Variants in RBFOX1 observed in about 807,000 individuals in gnomAD.
RBFOX1 encodes RNA binding protein fox-1 homolog 1.
A neutral mutation model predicts 57.7 loss-of-function variants in RBFOX1; 8 were observed. That is an observed-to-expected ratio of 0.14 (90% CI 0.08 to 0.25). RBFOX1 has a LOEUF of 0.25. Among genes scored for constraint, RBFOX1 ranks in the 10% least tolerant of loss-of-function variants. The pLI, the probability that RBFOX1 is intolerant of heterozygous loss-of-function variation, is 1.00. For missense variants in RBFOX1, 611 were observed against 548.5 expected (o/e 1.11, Z -1.14); for synonymous variants, 326 against 222.4 (o/e 1.47, Z -4.15).
At position 7,070,613 on chromosome 16, in the gene RBFOX1, C is replaced by G. The variant is rs190993537; in HGVS notation, c.27+18515C>G. Among the ~76,000 whole-genome samples the G allele has an allele frequency of 8.7e-4, 133 of 152,232 alleles. No individual in the cohort carries two copies. The East Asian group carries it at 0.018, about 21-fold the overall frequency. On this transcript the variant is annotated intron_variant, in intron 4 of 15. Coordinates refer to ENST00000550418, the MANE Select transcript of RBFOX1 (RefSeq NM_018723.4). ...TTACGTTTAAGTGGTTTTGATTAAC[C>G]TGGGTTTGCTTATTTGCTCCTAAAT... is the stretch of plus-strand genomic sequence containing the variant.
chr16:6,004,752 C>T (rs1031325574), intron 4 of RBFOX1, among the ~76,000 whole-genome samples: 1 of 152,172 alleles, frequency 6.6e-6, no homozygotes, highest in Admixed American at 6.5e-5. Flanking sequence ...TTCTAATAAG[C>T]TTTATTGACT....
intron 5 of RBFOX1, among the ~76,000 whole-genome samples, chr16:7,564,450 G>A (rs968926014): frequency 2.7e-5 from 4 of 146,922 alleles, no homozygotes; most frequent in African/African-American, 1.0e-4. Flanking sequence ...CTGAGGCAGG[G>A]GAATTGCTTG....
At chr16:6,492,802 A>G (rs1012351723) in intron 2 of RBFOX1, among the ~76,000 whole-genome samples, 1 of 152,204 alleles carries the variant, frequency 6.6e-6, no homozygotes, top group South Asian at 2.1e-4. Context: ...AACTACATCT[A>G]AGATGTTATG....
chr16:7,052,680 C>G lies in RBFOX1; in HGVS notation c.27+582C>G, dbSNP rs139718010. ...CAGGCATATCGGTGTAAGAAGTATT[C>G]CCTAGATGTGCAGGGAGTGTTTGGT... is the stretch of plus-strand genomic sequence containing the variant. On this transcript the variant is annotated intron_variant, in intron 4 of 15. Transcript: ENST00000550418. Among the ~76,000 whole-genome samples, 9 of 152,230 alleles carry G rather than the reference C, an allele frequency of 5.9e-5. No individual in the cohort carries two copies. The East Asian group carries it at 1.7e-3, about 29-fold the overall frequency.
At chr16:6,843,036 G>C (rs1418387782) in intron 3 of RBFOX1, among the ~76,000 whole-genome samples, 1 of 152,260 alleles carries the variant, frequency 6.6e-6, no homozygotes, top group East Asian at 1.9e-4. Context: ...ATTCCATGGT[G>C]TGTATGTGCC....
intron 3 of RBFOX1, among the ~76,000 whole-genome samples, chr16:6,866,262 C>T (rs1157424559): frequency 6.6e-6 from 1 of 151,980 alleles, no homozygotes; most frequent in East Asian, 1.9e-4. Flanking sequence ...TACTTTCCTA[C>T]CACTTTTCAT....
At chr16:7,055,057 C>T (rs570612902) in intron 4 of RBFOX1, among the ~76,000 whole-genome samples, 6 of 152,180 alleles carry the variant, frequency 3.9e-5, no homozygotes, top group South Asian at 2.1e-4. Flanking sequence ...CTGTGAAGTG[C>T]TTAATATCTT....
intron 4 of RBFOX1, among the ~76,000 whole-genome samples, chr16:7,342,547 A>T (rs1003762008): frequency 2.6e-5 from 4 of 152,060 alleles, no homozygotes; most frequent in Admixed American, 6.6e-5. Flanking sequence ...TTGAATGTTC[A>T]TTTTGATAAA....
At chr16:5,606,353 C>T (rs1181610552) in intron 3 of RBFOX1, among the ~76,000 whole-genome samples, 2 of 152,002 alleles carry the variant, frequency 1.3e-5, no homozygotes, top group African/African-American at 2.4e-5. Flanking sequence ...AATTCCTAAC[C>T]ATTCATCCAT....
chr16:7,044,036 C>G (rs1316655750), intron 3 of RBFOX1, among the ~76,000 whole-genome samples: 1 of 152,192 alleles, frequency 6.6e-6, no homozygotes, highest in East Asian at 1.9e-4. Context: ...CAAATGTTCT[C>G]TGTATTGTAA....
intron 2 of RBFOX1, among the ~76,000 whole-genome samples, chr16:6,504,107 C>A (rs968000038): frequency 6.6e-6 from 1 of 152,038 alleles, no homozygotes; most frequent in Non-Finnish European, 1.5e-5. Context: ...AAATGGCAGC[C>A]CAGAGGTAAG....
intron 4 of RBFOX1, among the ~76,000 whole-genome samples, chr16:7,197,285 T>C (rs1416826673): frequency 6.6e-6 from 1 of 152,124 alleles, no homozygotes; most frequent in African/African-American, 2.4e-5. Flanking sequence ...TATTGCTTCA[T>C]GTCGTGGTTG....
chr16:7,097,139 T>C (rs1309070753), intron 4 of RBFOX1, among the ~76,000 whole-genome samples: 1 of 151,842 alleles, frequency 6.6e-6, no homozygotes, highest in Non-Finnish European at 1.5e-5. Context: ...GCGAGAGAGG[T>C]ATTGTGAATG....
In RBFOX1 at chr16:7,084,252, GT is replaced by G. The variant is rs2059643275; in HGVS notation, c.27+32155del. 2.6e-5 allele frequency among the ~76,000 whole-genome samples: 4 copies of G among 152,202 alleles called. No individual in the cohort carries two copies. In the South Asian group the frequency reaches 8.3e-4, roughly 32 times the overall value. ...AAATGGACTATATATGTATATATGT[GT>G]GTGTGTGTATAGAGGTATGAACTAA... On this transcript the variant is annotated intron_variant, in intron 4 of 15. Coordinates refer to ENST00000550418, the MANE Select transcript of RBFOX1 (RefSeq NM_018723.4).
chr16:6,181,508 C>T (rs2152790158), intron 1 of RBFOX1, among the ~76,000 whole-genome samples: 1 of 152,320 alleles, frequency 6.6e-6, no homozygotes. Context: ...CTTCCTCACT[C>T]AGCCATAGCT....
chr16:5,257,544 G>A (rs1463218242), intron 1 of RBFOX1, among the ~76,000 whole-genome samples: 7 of 152,288 alleles, frequency 4.6e-5, no homozygotes, highest in African/African-American at 1.2e-4. Context: ...AGGGGCCTGC[G>A]TTTGCAAAGG....
At chr16:5,729,904 A>G (rs1043389438) in intron 3 of RBFOX1, among the ~76,000 whole-genome samples, 2 of 152,198 alleles carry the variant, frequency 1.3e-5, no homozygotes, top group African/African-American at 2.4e-5. Flanking sequence ...TACTGCATCT[A>G]AGCTCAGGGA....
chr16:5,996,102 G>A (rs1178163874), intron 4 of RBFOX1, among the ~76,000 whole-genome samples: 1 of 152,102 alleles, frequency 6.6e-6, no homozygotes, highest in Non-Finnish European at 1.5e-5. Flanking sequence ...CATCTCTGAA[G>A]GATCTCACCT....
At chr16:5,942,816 A>C (rs1450528421) in intron 4 of RBFOX1, among the ~76,000 whole-genome samples, 1 of 152,172 alleles carries the variant, frequency 6.6e-6, no homozygotes, top group Non-Finnish European at 1.5e-5. Context: ...CTTTTTGCAA[A>C]GGCACTTTCA....
Sources: gnomAD v4.1 joint callset for allele counts (sites outside exome capture counted in the v4.1 genomes callset) on GRCh38, gnomAD v4.1.1 for gene constraint, MANE v1.5 for transcripts, NCBI Gene and HGNC (gene_info 2026-07-23, HGNC 2026-07-21) for gene names.